PPM1L: variants seen among roughly 807,000 people sequenced by gnomAD.
PPM1L encodes the protein protein phosphatase, Mg2+/Mn2+ dependent 1L.
A neutral mutation model predicts 31.4 loss-of-function variants in PPM1L; 13 were observed. The observed-to-expected ratio is 0.41, with a 90% CI of 0.27 to 0.66. The LOEUF (loss-of-function observed/expected upper bound fraction) is 0.66, where lower values mean the gene tolerates loss of function less well. Among genes scored for constraint, PPM1L ranks in the 30% least tolerant of loss-of-function variants. The pLI, the probability that PPM1L is intolerant of heterozygous loss-of-function variation, is 0.29. For synonymous variants in PPM1L, 184 were observed against 175.4 expected, an observed-to-expected ratio of 1.05 and a Z score of -0.39; for missense variants, 326 against 453.7, an observed-to-expected ratio of 0.72 and a Z score of 2.56.
chr3:160,915,872 C>A (rs1714157128), intron 1 of PPM1L, among the ~76,000 whole-genome samples: 1 of 152,152 alleles, frequency 6.6e-6, no homozygotes, highest in African/African-American at 2.4e-5. Context: ...AAAGCTGAAA[C>A]TGGATCCCTT....
At chr3:160,819,130 T>A (rs1217165611) in intron 1 of PPM1L, among the ~76,000 whole-genome samples, 7 of 151,918 alleles carry the variant, frequency 4.6e-5, no homozygotes, top group African/African-American at 1.7e-4. Flanking sequence ...ATATTCTGAG[T>A]CTAAGAATTC....
At chr3:160,808,422 T>G (rs1168147209) in intron 1 of PPM1L, among the ~76,000 whole-genome samples, 3 of 137,970 alleles carry the variant, frequency 2.2e-5, no homozygotes, top group African/African-American at 8.3e-5. Flanking sequence ...TGTGTGTGTG[T>G]GGTGGGTGAG....
At chr3:161,058,845 G>T (rs1227537964) in intron 2 of PPM1L, among the ~76,000 whole-genome samples, 1 of 152,116 alleles carries the variant, frequency 6.6e-6, no homozygotes, top group Non-Finnish European at 1.5e-5. Flanking sequence ...TCTAAAAGAT[G>T]TCTGAGATAC....
intron 2 of PPM1L, among the ~76,000 whole-genome samples, chr3:161,018,030 A>G (rs142528938): frequency 6.6e-6 from 1 of 152,310 alleles, no homozygotes; most frequent in East Asian, 1.9e-4. Flanking sequence ...TAATAACAGC[A>G]AGCCAATGAC....
Position 161,068,895 on chromosome 3 carries a change from A to G in PPM1L, c.821A>G (p.Asn274Ser). 2 of 1,613,986 alleles carry G rather than the reference A, an allele frequency of 1.2e-6. No homozygotes were observed. The highest frequency in any genetic ancestry group is 1.7e-6 in the Non-Finnish European group (2 of 1,180,002). ...TCCCTGGGGGATTATCCGCTGAAAA[A>G]TCTCAACGTGGTCATCCCAGACCCA... Reference protein sequence around the residue: ...SRSLGDYPLKNLNVVIPDPDI... With the variant: ...SRSLGDYPLKSLNVVIPDPDI... The change falls in exon 4 of 4, where the codon AAT (asparagine) becomes AGT (serine). Residue 274 changes from asparagine to serine, a missense_variant. By Grantham distance (46) the Asn-to-Ser change is conservative. This residue lies in a region of PPM1L where 201 missense variants were observed against 298.2 expected (regional missense o/e 0.67). Transcript: ENST00000498165.
intron 2 of PPM1L, among the ~76,000 whole-genome samples, chr3:160,979,358 A>G (rs1716720042): frequency 6.6e-6 from 1 of 151,948 alleles, no homozygotes; most frequent in Non-Finnish European, 1.5e-5. Context: ...CCCATGGTGC[A>G]CTCACACACA....
chr3:160,915,007 T>C (rs529055740), intron 1 of PPM1L, among the ~76,000 whole-genome samples: 2 of 152,294 alleles, frequency 1.3e-5, no homozygotes, highest in Non-Finnish European at 2.9e-5. Flanking sequence ...TGGTATCTCT[T>C]TATGGTTTTG....
At chr3:160,856,164 C>G (rs971242235) in intron 1 of PPM1L, among the ~76,000 whole-genome samples, 3 of 151,928 alleles carry the variant, frequency 2.0e-5, no homozygotes, top group African/African-American at 7.3e-5. Flanking sequence ...TAGATTGTGC[C>G]CACCGAGATT....
intron 1 of PPM1L, among the ~76,000 whole-genome samples, chr3:160,886,959 T>C (rs1204475250): frequency 6.6e-6 from 1 of 152,014 alleles, no homozygotes; most frequent in African/African-American, 2.4e-5. Flanking sequence ...GCTAAGAACC[T>C]TGATAAAAGG....
chr3:160,808,416 T>TGTGTGTGTGTGCGTGC (rs1553808362), intron 1 of PPM1L, among the ~76,000 whole-genome samples: 9 of 129,310 alleles, frequency 7.0e-5, no homozygotes, highest in African/African-American at 2.6e-4. Flanking sequence ...TGTGTGTGTG[T>TGTGTGTGTGTGCGTGC]GTGTGTGGTG....
intron 1 of PPM1L, among the ~76,000 whole-genome samples, chr3:160,798,992 A>G (rs1194395076): frequency 1.3e-5 from 2 of 152,206 alleles, no homozygotes; most frequent in African/African-American, 4.8e-5. Flanking sequence ...TTCAATAGCA[A>G]GAGAATTAGA....
chr3:160,796,781 A>G (rs1254037461), intron 1 of PPM1L, among the ~76,000 whole-genome samples: 1 of 152,202 alleles, frequency 6.6e-6, no homozygotes, highest in Non-Finnish European at 1.5e-5. Flanking sequence ...TTTATAGGGT[A>G]AGAGTATGGA....
intron 1 of PPM1L, among the ~76,000 whole-genome samples, chr3:160,910,918 G>A (rs964767376): frequency 6.6e-6 from 1 of 152,112 alleles, no homozygotes; most frequent in Non-Finnish European, 1.5e-5. Context: ...TCTTGAACTC[G>A]GGGATTCAGG....
At position 161,025,576 on chromosome 3, in the gene PPM1L, TGA is replaced by T. The variant is rs1718357524; in HGVS notation, c.575-39826_575-39825del. ...GACACAGCAAGACCTCATTTGTAAA[TGA>T]AAAAAAAAAAAAAAAAGAGTCTCAT... On this transcript the variant is annotated intron_variant, in intron 2 of 3. Coordinates refer to ENST00000498165, the MANE Select transcript of PPM1L (RefSeq NM_139245.4). 3.8e-5 allele frequency among the ~76,000 whole-genome samples: 4 copies of T among 103,958 alleles called. No individual in the cohort carries two copies. In the Admixed American group the frequency reaches 4.1e-4, roughly 11 times the overall value. 68.2% of individuals were successfully genotyped at this position (103,958 alleles called of 152,430 possible).
intron 1 of PPM1L, among the ~76,000 whole-genome samples, chr3:160,957,368 G>A (rs1279285783): frequency 1.3e-5 from 2 of 152,090 alleles, no homozygotes; most frequent in African/African-American, 4.8e-5. Flanking sequence ...GAGCATATGC[G>A]AGCATGTGTC....
chr3:160,892,226 T>A (rs1052148601), intron 1 of PPM1L, among the ~76,000 whole-genome samples: 1 of 152,184 alleles, frequency 6.6e-6, no homozygotes, highest in Non-Finnish European at 1.5e-5. Context: ...ACAGGCATGG[T>A]GCTGGCATCT....
rs889018625 is a variant in PPM1L at position 160,906,766 on chromosome 3, T to G, written c.400-54970T>G. Reference sequence around the variant, plus strand: ...TCACTTTCAAGCTCACTCATGTGGTTGTTGGCAGAAAAAATTTAATTCCTT... The same window carrying G: ...TCACTTTCAAGCTCACTCATGTGGTGGTTGGCAGAAAAAATTTAATTCCTT... On this transcript the variant is annotated intron_variant, in intron 1 of 3. Transcript: ENST00000498165. 2.6e-5 allele frequency among the ~76,000 whole-genome samples: 4 copies of G among 152,206 alleles called. No individual in the cohort carries two copies. The South Asian group carries it at 8.3e-4, about 31-fold the overall frequency.
At chr3:160,857,184 G>T (rs768915545) in intron 1 of PPM1L, among the ~76,000 whole-genome samples, 7 of 152,076 alleles carry the variant, frequency 4.6e-5, no homozygotes, top group Non-Finnish European at 1.0e-4. Flanking sequence ...CTTCCAAAAG[G>T]TCATGGTTTC....
rs529545723 is a variant in PPM1L at position 160,955,479 on chromosome 3, G to A, written c.400-6257G>A. Among the ~76,000 whole-genome samples the A allele has an allele frequency of 1.9e-4, 29 of 151,804 alleles. 1 individual carries two copies. In the South Asian group the frequency reaches 2.1e-3, roughly 11 times the overall value. ...TATTAATTTATCTCGGGATTCATGC[G>A]TATTTTTGCATTACTTTGTAAAATG... is the stretch of plus-strand genomic sequence containing the variant. On this transcript the variant is annotated intron_variant, in intron 1 of 3. Transcript: ENST00000498165.
Sources: allele counts gnomAD v4.1 joint callset (sites outside exome capture counted in the v4.1 genomes callset), GRCh38; gene constraint gnomAD v4.1.1; regional missense constraint gnomAD v4.1.1; transcripts MANE v1.5; gene names NCBI Gene and HGNC (gene_info 2026-07-23, HGNC 2026-07-21).